FRY: variants seen among roughly 807,000 people sequenced by gnomAD.
FRY encodes protein furry homolog.
In FRY, 128 loss-of-function variants were observed where a neutral mutation model predicts 348.4. That is an observed-to-expected ratio of 0.37 (90% CI 0.32 to 0.43). The LOEUF is 0.43. Among genes scored for constraint, FRY ranks in the 20% least tolerant of loss-of-function variants. The pLI is 1.00. For synonymous variants in FRY, 1,370 were observed against 1,374.7 expected, an observed-to-expected ratio of 1.00 and a Z score of 0.08; for missense variants, 2,736 against 3,695.2, an observed-to-expected ratio of 0.74 and a Z score of 6.73.
At chr13:32,241,414 T>G (rs1046910904) in intron 46 of FRY, among the ~76,000 whole-genome samples, 1 of 152,202 alleles carries the variant, frequency 6.6e-6, no homozygotes, top group Non-Finnish European at 1.5e-5. Flanking sequence ...AGGACAAATA[T>G]GACAAGATTC....
intron 59 of FRY, among the ~76,000 whole-genome samples, chr13:32,290,039 T>G (rs561496514): frequency 1.3e-5 from 2 of 152,180 alleles, no homozygotes; most frequent in African/African-American, 4.8e-5. Flanking sequence ...ATCCTGGCCC[T>G]GGGTCTGGGC....
At chr13:32,170,321 TC>T (rs1160993185) in intron 17 of FRY, among the ~76,000 whole-genome samples, 1 of 152,182 alleles carries the variant, frequency 6.6e-6, no homozygotes, top group African/African-American at 2.4e-5. Context: ...TGGATTGCAT[TC>T]TGAAACAGAA....
At position 32,244,059 on chromosome 13, in the gene FRY, C is replaced by T. The variant is rs1886649441; in HGVS notation, c.6705C>T (p.Leu2235=). Residue 2235 remains leucine (L), a synonymous_variant, in exon 47 of 61, where the codon CTC becomes CTT. Transcript: ENST00000542859. ...CCCCACAGCTGCTGGAGAAGGGCCTCCCTAGTGTGCAGCAGCCCCTGCTCC... is the reference window on the plus strand; with the variant it reads ...CCCCACAGCTGCTGGAGAAGGGCCTTCCTAGTGTGCAGCAGCCCCTGCTCC... ...TYLAELLEKG[L]PSVQQPLLQV... is the part of the protein sequence containing the mutation. 1.2e-6 allele frequency: 2 copies of T among 1,613,890 alleles called. No individual in the cohort carries two copies. The highest frequency in any genetic ancestry group is 8.5e-7 in the Non-Finnish European group (1 of 1,179,978).
Position 32,185,158 on chromosome 13 carries a change from T to G in FRY, c.3319+10T>G, listed in dbSNP as rs1452182175. The G allele has an allele frequency of 1.9e-6, 3 of 1,612,336 alleles. No individual in the cohort carries two copies. The highest frequency in any genetic ancestry group is 2.5e-6 in the Non-Finnish European group (3 of 1,178,450). ...ATTCAGTGTGTTCCAGGTACGGTGA[T>G]CCGTTACAAGAAATTACCATTCATG... is the stretch of plus-strand genomic sequence containing the variant. On this transcript the variant is annotated intron_variant, in intron 26 of 60. Coordinates refer to ENST00000542859, the MANE Select transcript of FRY (RefSeq NM_023037.3).
At chr13:32,203,414 T>C (rs746725890) in intron 31 of FRY, among the ~76,000 whole-genome samples, 1 of 152,164 alleles carries the variant, frequency 6.6e-6, no homozygotes, top group Non-Finnish European at 1.5e-5. Flanking sequence ...AGTTAGGTAA[T>C]GCAGAATTGC....
chr13:32,041,848 T>C (rs577983860), intron 1 of FRY, among the ~76,000 whole-genome samples: 4 of 152,346 alleles, frequency 2.6e-5, no homozygotes, highest in Admixed American at 2.6e-4. Flanking sequence ...GGAAAGCTAA[T>C]CCTAGTTCAT....
At chr13:32,070,113 T>G (rs530825143) in intron 1 of FRY, among the ~76,000 whole-genome samples, 1 of 152,326 alleles carries the variant, frequency 6.6e-6, no homozygotes, top group South Asian at 2.1e-4. Context: ...CAGTCTATCA[T>G]TGATGGACAT....
chr13:32,126,738 T>C (rs1183713574), intron 7 of FRY, among the ~76,000 whole-genome samples: 1 of 152,136 alleles, frequency 6.6e-6, no homozygotes, highest in Admixed American at 6.5e-5. Context: ...CATTACTTCT[T>C]TCTCATAAGT....
chr13:32,031,936 C>T (rs1011089693), intron 1 of FRY, 71 bp downstream of exon 1: 34 of 826,908 alleles, frequency 4.1e-5, no homozygotes, highest in Non-Finnish European at 5.3e-5. Context: ...GACAGAAAAT[C>T]TCAACTGGAC....
Position 32,171,170 on chromosome 13 carries a change from C to G in FRY, c.2051C>G (p.Ser684Trp), listed in dbSNP as rs756972894. ...GATATGCATCACACACTCCTTGATT[C>G]GTCCCTGAAGTTGCTGCTGCAGCTG... ...VNDMHHTLLD[S>W]SLKLLLQLLT... is the part of the protein sequence containing the mutation. The change falls in exon 18 of 61, where the codon TCG becomes TGG. Residue 684 changes from serine to tryptophan, a missense_variant. Physicochemically the swap from Ser to Trp is radical, Grantham distance 177. This residue lies in a region of FRY where 449 missense variants were observed against 576.9 expected (regional missense o/e 0.78). Coordinates refer to ENST00000542859, the MANE Select transcript of FRY (RefSeq NM_023037.3). 1.2e-6 allele frequency: 2 copies of G among 1,613,748 alleles called. No individual in the cohort carries two copies. The highest frequency in any genetic ancestry group is 1.7e-6 in the Non-Finnish European group (2 of 1,179,706).
At chr13:32,113,851 G>A (rs1472683173) in intron 3 of FRY, among the ~76,000 whole-genome samples, 1 of 152,132 alleles carries the variant, frequency 6.6e-6, no homozygotes, top group Non-Finnish European at 1.5e-5. Context: ...GGCAGTAACA[G>A]AAAGATGGAA....
rs115424498 is a variant in FRY, at chr13:32,058,323, T to C, written c.71-20511T>C. Among the ~76,000 whole-genome samples the C allele has an allele frequency of 3.6e-3, 549 of 152,356 alleles. 1 individual carries two copies. Among genetic ancestry groups the C allele is most frequent in the African/African-American group, 0.012 (508 of 41,582 alleles). ...TTTTTCTAAAAAGTATTTTACTGTC[T>C]CTGTATCTGTTGCATAAAATGCTAT... On this transcript the variant is annotated intron_variant, in intron 1 of 60. Coordinates refer to ENST00000542859, the MANE Select transcript of FRY (RefSeq NM_023037.3).
chr13:32,297,794 T>C lies in FRY; in HGVS notation c.*2334T>C, dbSNP rs1167067457. The C allele has an allele frequency of 6.6e-6, 1 of 152,154 alleles. No individual in the cohort carries two copies. Among genetic ancestry groups the C allele is most frequent in the Non-Finnish European group, 1.5e-5 (1 of 68,036 alleles). The allele number at this position is 152,154 out of a possible 1,614,324, so 9.4% of individuals were successfully genotyped here. On this transcript the variant is annotated 3_prime_UTR_variant, in exon 61 of 61. Transcript: ENST00000542859. ...TACAGAAGCATTAATGTTAATTGCC[T>C]TCCCCAGGGATACAAAGAAGTAGAA...
intron 17 of FRY, among the ~76,000 whole-genome samples, chr13:32,169,831 A>G (rs908006760): frequency 6.6e-6 from 1 of 152,226 alleles, no homozygotes; most frequent in Non-Finnish European, 1.5e-5. Context: ...GTATGTTAGC[A>G]GTAATCCATC....
chr13:32,183,833 A>G (rs994886348), intron 24 of FRY, among the ~76,000 whole-genome samples: 3 of 151,350 alleles, frequency 2.0e-5, no homozygotes, highest in Admixed American at 6.6e-5. Flanking sequence ...AGTAGCAATG[A>G]TACAAGAAAT....
At chr13:32,122,894 C>T (rs977082621) in intron 4 of FRY, among the ~76,000 whole-genome samples, 114 of 152,094 alleles carry the variant, frequency 7.5e-4, no homozygotes, top group African/African-American at 2.4e-3. Flanking sequence ...ATACTAACAA[C>T]GACTAAGCGG....
Position 32,208,865 on chromosome 13 carries a change from G to T in FRY, c.4031G>T (p.Arg1344Leu). The change falls in exon 32 of 61, where the codon CGA becomes CTA. Residue 1344 changes from arginine (R) to leucine (L), a missense_variant. Physicochemically the swap from Arg to Leu is moderately radical, Grantham distance 102. Around this residue, in one of 9 missense-constraint regions of FRY, gnomAD observed 794 missense variants for 977.0 expected, o/e 0.81. Transcript: ENST00000542859. ...CAATTCTCTTTAGAGGTAAGCCAGC[G>T]ATTCCCCACAACACACCCCAACGGG... Reference protein sequence around the residue: ...TLPLFSEVSQRFPTTHPNGRQ... With the variant: ...TLPLFSEVSQLFPTTHPNGRQ... The T allele has an allele frequency of 1.2e-6, 2 of 1,614,066 alleles. No individual in the cohort carries two copies. Among genetic ancestry groups the T allele is most frequent in the Non-Finnish European group, 1.7e-6 (2 of 1,179,976 alleles).
intron 8 of FRY, among the ~76,000 whole-genome samples, chr13:32,134,227 G>A (rs764016455): frequency 2.6e-5 from 4 of 152,124 alleles, no homozygotes; most frequent in Non-Finnish European, 5.9e-5. Context: ...AATGTTGGCA[G>A]GCCAACTTTC....
At position 32,298,074 on chromosome 13, in the gene FRY, A is replaced by G. The variant is rs940589199; in HGVS notation, c.*2614A>G. On this transcript the variant is annotated 3_prime_UTR_variant, in exon 61 of 61. Coordinates refer to ENST00000542859, the MANE Select transcript of FRY (RefSeq NM_023037.3). ...CATTCCCACCTCTAACCCATCTAAC[A>G]TCGGTGAGATGTTAAGAAAATGTGC... The G allele has an allele frequency of 3.9e-5, 6 of 152,334 alleles. No homozygotes were observed. The East Asian group carries it at 9.6e-4, about 24-fold the overall frequency. 9.4% of individuals were successfully genotyped at this position (152,334 alleles called of 1,614,324 possible).
Sources: gnomAD v4.1 joint callset for allele counts (sites outside exome capture counted in the v4.1 genomes callset) on GRCh38, gnomAD v4.1.1 for gene constraint, gnomAD v4.1.1 regional missense constraint, MANE v1.5 for transcripts, NCBI Gene and HGNC (gene_info 2026-07-23, HGNC 2026-07-21) for gene names.